FDXACB1: variants seen among roughly 807,000 people sequenced by gnomAD.
FDXACB1 encodes ferredoxin-fold anticodon binding domain containing 1.
Under a neutral mutation model 51.7 loss-of-function variants are expected in FDXACB1, and 41 were observed. The observed-to-expected ratio is 0.79, with a 90% CI of 0.62 to 1.03. The LOEUF is 1.03. Among genes scored for constraint, FDXACB1 ranks in the 50% least tolerant of loss-of-function variants. FDXACB1 has a pLI of 0.00. For missense variants in FDXACB1, 697 were observed against 746.4 expected, an observed-to-expected ratio of 0.93 and a Z score of 0.77; for synonymous variants, 273 against 278.6, an observed-to-expected ratio of 0.98 and a Z score of 0.20.
At position 111,874,738 on chromosome 11, in the gene FDXACB1, G is replaced by A. The variant is rs1239195462; in HGVS notation, c.*184C>T. The stretch of plus-strand genomic sequence containing the variant: ...CCACTGCCACTGCACTCCCGCCTGG[G>A]CGGCAGAGCAAGACTCCGTCTCAAA... On this transcript the variant is annotated 3_prime_UTR_variant, in exon 5 of 5. Transcript: ENST00000260257. 3 of 602,976 alleles carry A rather than the reference G, an allele frequency of 5.0e-6. No homozygotes were observed. Among genetic ancestry groups the A allele is most frequent in the East Asian group, 5.8e-5 (2 of 34,576 alleles). 37.4% of individuals were successfully genotyped at this position (602,976 alleles called of 1,614,324 possible). A position where few individuals can be genotyped will look rare whatever the true frequency, so the allele number is the denominator to read the frequency against.
Position 111,876,916 on chromosome 11 carries a change from T to C in FDXACB1, c.425A>G (p.His142Arg), listed in dbSNP as rs1012502792. 1 of 1,612,704 alleles carries C rather than the reference T, an allele frequency of 6.2e-7. No individual in the cohort carries two copies. Among genetic ancestry groups the C allele is most frequent in the Non-Finnish European group, 8.5e-7 (1 of 1,179,312 alleles). ...CATGGCAACCACTTGCCAACTGTTGTGCCATTCTCTCTGGGGCTTATCCGC... is the reference window on the plus strand; with the variant it reads ...CATGGCAACCACTTGCCAACTGTTGCGCCATTCTCTCTGGGGCTTATCCGC... ...TPADKPQREW[H>R]NSWQVVAMAA... The change falls in exon 3 of 5, where the codon CAC (histidine) becomes CGC (arginine). Residue 142 changes from histidine (H) to arginine (R), a missense_variant. Transcript: ENST00000260257.
At position 111,875,282 on chromosome 11, in the gene FDXACB1, T is replaced by TGTTG; in HGVS notation, c.1514_1515insCAAC (p.Arg505SerfsTer8). ...AACGGTTATCAAACGTCCACAACAT[T>TGTTG]CTCCAGTCAGAGATACACCAGACAA... On this transcript the variant is annotated frameshift_variant, in exon 5 of 5. Coordinates refer to ENST00000260257, the MANE Select transcript of FDXACB1 (RefSeq NM_138378.3). LOFTEE classifies it high-confidence loss of function. The TGTTG allele has an allele frequency of 1.9e-6, 3 of 1,613,722 alleles. No individual in the cohort carries two copies. In the South Asian group the frequency reaches 3.3e-5, roughly 18 times the overall value.
In FDXACB1 at chr11:111,876,362, T is replaced by C. The variant is rs942831121; in HGVS notation, c.692+119A>G. ...TGCTTAAGGAGGCCAGGCTGACAAA[T>C]AAACATAGCACCAACATCACTAACA... is the stretch of plus-strand genomic sequence containing the variant. On this transcript the variant is annotated intron_variant, in intron 4 of 4. Transcript: ENST00000260257. The C allele has an allele frequency of 8.7e-6, 11 of 1,265,544 alleles. No homozygotes were observed. The South Asian group carries it at 1.5e-4, about 17-fold the overall frequency. 78.4% of individuals were successfully genotyped at this position (1,265,544 alleles called of 1,614,324 possible).
rs1964790778 is a variant in FDXACB1 at position 111,875,418 on chromosome 11, T to C, written c.1379A>G (p.Asp460Gly). The C allele has an allele frequency of 3.1e-6, 5 of 1,613,430 alleles. No homozygotes were observed. Among genetic ancestry groups the C allele is most frequent in the Admixed American group, 1.7e-5 (1 of 59,900 alleles). The change falls in exon 5 of 5, where the codon GAT (aspartate) becomes GGT (glycine). Residue 460 changes from aspartate to glycine, a missense_variant. Physicochemically the swap from Asp to Gly is moderately conservative, Grantham distance 94. Coordinates refer to ENST00000260257, the MANE Select transcript of FDXACB1 (RefSeq NM_138378.3). ...IRVKTHNFSP[D>G]CTEDLIIGSV... is the part of the protein sequence containing the mutation. Reference sequence around the variant, plus strand: ...CCCAATAATTAGATCCTCAGTACAATCTGGGCTAAAATTATGAGTCTTCAC... The same window carrying C: ...CCCAATAATTAGATCCTCAGTACAACCTGGGCTAAAATTATGAGTCTTCAC...
At position 111,879,037 on chromosome 11, in the gene FDXACB1, G is replaced by T. The variant is rs1555162674; in HGVS notation, c.96C>A (p.Ala32=). The T allele has an allele frequency of 1.2e-6, 2 of 1,613,580 alleles. No individual in the cohort carries two copies. Among genetic ancestry groups the T allele is most frequent in the African/African-American group, 2.7e-5 (2 of 74,930 alleles). The change falls in exon 1 of 5, where the codon GCC becomes GCA. Residue 32 remains alanine, a synonymous_variant. Coordinates refer to ENST00000260257, the MANE Select transcript of FDXACB1 (RefSeq NM_138378.3). ...ETLDQSTQLT[A]TCLQRPAELA... is the part of the protein sequence containing the mutation. ...ACTCGGCCGGGCGCTGGAGGCAGGT[G>T]GCGGTAAGTTGAGTGCTCTGATCCA...
Position 111,875,319 on chromosome 11 carries a change from A to G in FDXACB1, c.1478T>C (p.Leu493Ser). 2 of 1,613,960 alleles carry G rather than the reference A, an allele frequency of 1.2e-6. No homozygotes were observed. Among genetic ancestry groups the G allele is most frequent in the Non-Finnish European group, 1.7e-6 (2 of 1,179,878 alleles). Reference sequence around the variant, plus strand: ...GATACACCAGACAAGCATGGCTAATAAGTCCAAGTTCATAGACACAAACAC... The same window carrying G: ...GATACACCAGACAAGCATGGCTAATGAGTCCAAGTTCATAGACACAAACAC... ...CFVFVSMNLDLLAMLVWCISD... is the reference protein window; with the variant it reads ...CFVFVSMNLDSLAMLVWCISD... The change falls in exon 5 of 5, where the codon TTA becomes TCA. Residue 493 changes from leucine (L) to serine (S), a missense_variant. Leu to Ser is a moderately radical substitution (Grantham distance 145). Transcript: ENST00000260257.
At position 111,874,082 on chromosome 11, in the gene FDXACB1, G is replaced by A. The variant is rs370741925; in HGVS notation, c.*840C>T. 2 of 152,090 alleles carry A rather than the reference G, an allele frequency of 1.3e-5. No individual in the cohort carries two copies. The highest frequency in any genetic ancestry group is 6.5e-5 in the Admixed American group (1 of 15,272). 9.4% of individuals were successfully genotyped at this position (152,090 alleles called of 1,614,324 possible). ...TAACCCTAAATCTGACACTTTATTC[G>A]TTCCATGACTTTCAACCACAGAATT... On this transcript the variant is annotated 3_prime_UTR_variant, in exon 5 of 5. Transcript: ENST00000260257.
In FDXACB1 at chr11:111,876,887, C is replaced by G. The variant is rs1555162243; in HGVS notation, c.454G>C (p.Ala152Pro). Residue 152 changes from alanine (A) to proline (P), a missense_variant, in exon 3 of 5, where the codon GCC (alanine) becomes CCC (proline). Ala to Pro is a conservative substitution (Grantham distance 27, BLOSUM62 -1). Coordinates refer to ENST00000260257, the MANE Select transcript of FDXACB1 (RefSeq NM_138378.3). The part of the protein sequence containing the change: ...HNSWQVVAMA[A>P]LGGLILSDVY... ...TCGCTTAAAATGAGCCCCCCCAGGG[C>G]TGCCATGGCAACCACTTGCCAACTG... 1 of 1,613,604 alleles carries G rather than the reference C, an allele frequency of 6.2e-7. No individual in the cohort carries two copies. The highest frequency in any genetic ancestry group is 1.1e-5 in the South Asian group (1 of 90,970).
chr11:111,876,136 A>T, intron 4 of FDXACB1, 32 bp from the exon 5 acceptor site: 2 of 1,480,682 alleles, frequency 1.4e-6, no homozygotes, highest in Non-Finnish European at 1.8e-6. Flanking sequence ...TAACTTTTCT[A>T]ACTTAAGATA....
intron 2 of FDXACB1, among the ~76,000 whole-genome samples, chr11:111,877,435 A>C (rs1964838229): frequency 6.6e-6 from 1 of 152,180 alleles, no homozygotes; most frequent in African/African-American, 2.4e-5. Flanking sequence ...GGACACCTCC[A>C]ATAGTATCAT....
chr11:111,877,242 T>G (rs1391157422), intron 2 of FDXACB1, among the ~76,000 whole-genome samples: 1 of 152,238 alleles, frequency 6.6e-6, no homozygotes, highest in Non-Finnish European at 1.5e-5. Flanking sequence ...AGGGTCTGCT[T>G]TGCATTTGTG....
rs374850132 is a variant in FDXACB1 at position 111,874,910 on chromosome 11, G to A, written c.*12C>T. Reference sequence around the variant, plus strand: ...CAATGAAGGATCACACTGCAGAAAAGGATTTACCAAACTACCGAGGTATAA... The same window carrying A: ...CAATGAAGGATCACACTGCAGAAAAAGATTTACCAAACTACCGAGGTATAA... On this transcript the variant is annotated 3_prime_UTR_variant, in exon 5 of 5. Transcript: ENST00000260257. 816 of 1,608,914 alleles carry A rather than the reference G, an allele frequency of 5.1e-4. No homozygotes were observed. The highest frequency in any genetic ancestry group is 6.5e-4 in the Non-Finnish European group (767 of 1,176,066).
intron 1 of FDXACB1, 67 bp from the exon 2 acceptor site, chr11:111,878,779 A>C: frequency 6.5e-7 from 1 of 1,538,242 alleles, no homozygotes; most frequent in East Asian, 2.3e-5. Context: ...GAACAGAAAA[A>C]CTCTTCCTAA....
Position 111,874,698 on chromosome 11 carries a change from T to C in FDXACB1, c.*224A>G, listed in dbSNP as rs1964769232. 5 of 496,324 alleles carry C rather than the reference T, an allele frequency of 1.0e-5. 1 individual carries two copies. The highest frequency in any genetic ancestry group is 5.0e-5 in the South Asian group (2 of 40,144). 30.7% of individuals were successfully genotyped at this position (496,324 alleles called of 1,614,324 possible). ...TGAACCTGGGAGGTGGAGCTTATAG[T>C]GAGCTGATATCATGCCACTGCCACT... On this transcript the variant is annotated 3_prime_UTR_variant, in exon 5 of 5. Coordinates refer to ENST00000260257, the MANE Select transcript of FDXACB1 (RefSeq NM_138378.3).
rs781783782 is a variant in FDXACB1, at chr11:111,875,619, G to T, written c.1178C>A (p.Thr393Asn). Residue 393 changes from threonine (T) to asparagine (N), a missense_variant, in exon 5 of 5, where the codon ACT becomes AAT. Thr to Asn is a moderately conservative substitution (Grantham distance 65). Coordinates refer to ENST00000260257, the MANE Select transcript of FDXACB1 (RefSeq NM_138378.3). ...LPFTMPAFHE[T>N]LFILGVNQNL... ...TTGATTAACCCCAAGGATAAATAAA[G>T]TTTCATGAAATGCTGGCATTGTGAA... 1.3e-5 allele frequency: 21 copies of T among 1,612,980 alleles called. No individual in the cohort carries two copies. The highest frequency in any genetic ancestry group is 1.8e-5 in the Non-Finnish European group (21 of 1,179,778).
Position 111,874,760 on chromosome 11 carries a change from CA to C in FDXACB1, c.*161del, listed in dbSNP as rs535629792. ...TGGGCGGCAGAGCAAGACTCCGTCT[CA>C]AAAAAAAAAAAAAAAAAAGATCAAC... On this transcript the variant is annotated 3_prime_UTR_variant, in exon 5 of 5. Transcript: ENST00000260257. 0.23 allele frequency: 99,616 copies of C among 442,408 alleles called. 209 individuals carry two copies. Among genetic ancestry groups the C allele is most frequent in the East Asian group, 0.24 (6,284 of 25,670 alleles). The allele number at this position is 442,408 out of a possible 1,614,324, so 27.4% of individuals were successfully genotyped here.
Position 111,875,663 on chromosome 11 carries a change from C to A in FDXACB1, c.1134G>T (p.Gln378His). ...SLHILSGPVF[Q>H]KCHILPFTMP... is the part of the protein sequence containing the mutation. Reference sequence around the variant, plus strand: ...TTGTGAAAGGCAAAATGTGGCACTTCTGAAAGACAGGTCCACTGAGGATGT... The same window carrying A: ...TTGTGAAAGGCAAAATGTGGCACTTATGAAAGACAGGTCCACTGAGGATGT... The change falls in exon 5 of 5, where the codon CAG becomes CAT. Residue 378 changes from glutamine (Q) to histidine (H), a missense_variant. By Grantham distance (24) the Gln-to-His change is conservative (BLOSUM62 0). This residue lies in a region of FDXACB1 where 538 missense variants were observed against 592.2 expected (regional missense o/e 0.91). Transcript: ENST00000260257. 1 of 1,613,438 alleles carries A rather than the reference C, an allele frequency of 6.2e-7. No homozygotes were observed. The highest frequency in any genetic ancestry group is 8.5e-7 in the Non-Finnish European group (1 of 1,179,848).
rs782035697 is a variant in FDXACB1, at chr11:111,875,528, C to A, written c.1269G>T (p.Leu423=). 1 of 1,611,428 alleles carries A rather than the reference C, an allele frequency of 6.2e-7. No homozygotes were observed. Among genetic ancestry groups the A allele is most frequent in the South Asian group, 1.1e-5 (1 of 90,904 alleles). Residue 423 remains leucine, a synonymous_variant, in exon 5 of 5, where the codon CTG becomes CTT. Transcript: ENST00000260257. ...DHLKGILDSL[L]TQTLPESSKL... ...TAGAGCTCTCCGGCAATGTCTGGGT[C>A]AGCAGGCTATCTAGAATGCCCTTCA...
chr11:111,875,202 T>C lies in FDXACB1; in HGVS notation c.1595A>G (p.Tyr532Cys), dbSNP rs532801312. 3.7e-6 allele frequency: 6 copies of C among 1,613,846 alleles called. No homozygotes were observed. In the African/African-American group the frequency reaches 4.0e-5, roughly 11 times the overall value. Residue 532 changes from tyrosine to cysteine, a missense_variant, in exon 5 of 5, where the codon TAT becomes TGT. Transcript: ENST00000260257. ...AACATCATGCACATAACATGGAGGA[T>C]ACAGAGAATGACTTTTAAAGGGTTC... Reference protein sequence around the residue: ...KIEPFKSHSLYPPCYVHDVSF... With the variant: ...KIEPFKSHSLCPPCYVHDVSF...
Sources: allele counts gnomAD v4.1 joint callset (sites outside exome capture counted in the v4.1 genomes callset), GRCh38; gene constraint gnomAD v4.1.1; regional missense constraint gnomAD v4.1.1; transcripts MANE v1.5; gene names NCBI Gene and HGNC (gene_info 2026-07-23, HGNC 2026-07-21).